The following FBN2 variants were observed in gnomAD, a reference collection of about 807,000 sequenced individuals.
The protein encoded by FBN2 is fibrillin 2.
In FBN2, 105 loss-of-function variants were observed where a neutral mutation model predicts 355.6. That is an observed-to-expected ratio of 0.30 (90% CI 0.25 to 0.35). FBN2 has a LOEUF of 0.35. Ranked by LOEUF, FBN2 falls within the 10% of genes least tolerant of loss-of-function variation. The probability of loss-of-function intolerance (pLI) is 1.00; values close to 1 mark genes in which losing one functional copy is unlikely to be tolerated. For missense variants in FBN2, 3,280 were observed against 3,758.7 expected (o/e 0.87, Z 3.33); for synonymous variants, 1,350 against 1,301.2 (o/e 1.04, Z -0.81).
chr5:128,361,925 T>G, intron 18 of FBN2, 77 bp from the exon 19 acceptor site: 1 of 1,377,970 alleles, frequency 7.3e-7, no homozygotes, highest in Non-Finnish European at 1.0e-6. Flanking sequence ...TTTAATTTTG[T>G]TATTTGTTTT....
At chr5:128,329,304 C>T (rs1358647465) in intron 33 of FBN2, among the ~76,000 whole-genome samples, 1 of 152,102 alleles carries the variant, frequency 6.6e-6, no homozygotes, top group African/African-American at 2.4e-5. Context: ...CATGTCATTA[C>T]AATCTTATAA....
chr5:128,501,536 A>C (rs1581352499), intron 5 of FBN2, among the ~76,000 whole-genome samples: 1 of 152,334 alleles, frequency 6.6e-6, no homozygotes, highest in East Asian at 1.9e-4. Flanking sequence ...CCTAATACAC[A>C]AAGCAGATTA....
intron 5 of FBN2, among the ~76,000 whole-genome samples, chr5:128,513,984 G>C (rs1383553354): frequency 6.6e-6 from 1 of 151,714 alleles, no homozygotes; most frequent in Non-Finnish European, 1.5e-5. Flanking sequence ...AGAGTGCAAG[G>C]TTATAAAATG....
intron 34 of FBN2, among the ~76,000 whole-genome samples, chr5:128,324,926 A>T (rs1479307063): frequency 6.6e-6 from 1 of 152,086 alleles, no homozygotes; most frequent in African/African-American, 2.4e-5. Context: ...GCCATGAGTG[A>T]GTTTCTTAAC....
chr5:128,407,043 A>G (rs1277988337), intron 8 of FBN2, among the ~76,000 whole-genome samples: 1 of 152,140 alleles, frequency 6.6e-6, no homozygotes, highest in Non-Finnish European at 1.5e-5. Context: ...TGAGGCTCCC[A>G]ACAGACATCT....
chr5:128,537,963 A>C lies in FBN2; in HGVS notation c.-360T>G, dbSNP rs905982316. 1.3e-4 allele frequency: 43 copies of C among 334,706 alleles called. No individual in the cohort carries two copies. The highest frequency in any genetic ancestry group is 2.2e-4 in the Non-Finnish European group (41 of 184,002). The allele number at this position is 334,706 out of a possible 1,614,324, so 20.7% of individuals were successfully genotyped here. A position where few individuals can be genotyped will look rare whatever the true frequency, so the allele number is the denominator to read the frequency against. ...AAGCCCTGGCGTAAAATTTCAAAAA[A>C]TGTGAACCTCAAAAGAAAAAAGGGC... On this transcript the variant is annotated 5_prime_UTR_variant, in exon 1 of 65. Transcript: ENST00000262464.
chr5:128,518,901 G>C (rs1177456561), intron 5 of FBN2, among the ~76,000 whole-genome samples: 1 of 152,160 alleles, frequency 6.6e-6, no homozygotes, highest in Non-Finnish European at 1.5e-5. Context: ...ATTTATGTCA[G>C]ATTTTGTGGG....
At chr5:128,331,347 T>C (rs1750687087) in intron 32 of FBN2, among the ~76,000 whole-genome samples, 1 of 152,022 alleles carries the variant, frequency 6.6e-6, no homozygotes, top group Non-Finnish European at 1.5e-5. Flanking sequence ...TGGGGAAGGA[T>C]ATTCCTTGCA....
At chr5:128,334,085 C>T (rs1423408862) in intron 31 of FBN2, among the ~76,000 whole-genome samples, 2 of 151,946 alleles carry the variant, frequency 1.3e-5, no homozygotes, top group Admixed American at 6.6e-5. Flanking sequence ...ATCCTAGCCC[C>T]ACCTGCATGC....
chr5:128,400,989 G>A (rs887786393), intron 8 of FBN2, among the ~76,000 whole-genome samples: 1 of 152,224 alleles, frequency 6.6e-6, no homozygotes, highest in South Asian at 2.1e-4. Flanking sequence ...GGTGGTTTCT[G>A]CTTTTGCTTC....
chr5:128,264,699 G>A (rs1218861177), intron 62 of FBN2, among the ~76,000 whole-genome samples: 1 of 152,144 alleles, frequency 6.6e-6, no homozygotes, highest in Non-Finnish European at 1.5e-5. Context: ...ACTCCATGTG[G>A]AGCAAAGAGT....
intron 7 of FBN2, among the ~76,000 whole-genome samples, chr5:128,412,072 AAT>A (rs1446053040): frequency 6.6e-6 from 1 of 152,130 alleles, no homozygotes; most frequent in Non-Finnish European, 1.5e-5. Flanking sequence ...CTGCACACTG[AAT>A]ATACTGCCAC....
chr5:128,372,404 A>G (rs886457243), intron 15 of FBN2, among the ~76,000 whole-genome samples: 5 of 152,250 alleles, frequency 3.3e-5, no homozygotes, highest in African/African-American at 1.2e-4. Flanking sequence ...ACACATCTTA[A>G]TATCTACAGA....
At chr5:128,264,686 G>A (rs537579227) in intron 62 of FBN2, among the ~76,000 whole-genome samples, 2 of 152,130 alleles carry the variant, frequency 1.3e-5, no homozygotes, top group Non-Finnish European at 2.9e-5. Context: ...TTCAATTCTT[G>A]TGACTCCATG....
rs747455026 is a variant in FBN2, at chr5:128,309,449, T to C, written c.5201-50A>G. On this transcript the variant is annotated intron_variant, in intron 40 of 64. Transcript: ENST00000262464. ...TAGCCATTTGTATCCACGAGTAGTT[T>C]ATAATGAAGCCCACACAGCTGTAGA... 9.2e-6 allele frequency: 14 copies of C among 1,527,358 alleles called. No homozygotes were observed. In the South Asian group the frequency reaches 1.6e-4, roughly 17 times the overall value. 94.6% of individuals were successfully genotyped at this position (1,527,358 alleles called of 1,614,324 possible). A position where few individuals can be genotyped will look rare whatever the true frequency, so the allele number is the denominator to read the frequency against.
At position 128,289,881 on chromosome 5, in the gene FBN2, C is replaced by A. The variant is rs746296572; in HGVS notation, c.6511+1G>T. 3 of 1,551,614 alleles carry A rather than the reference C, an allele frequency of 1.9e-6. No individual in the cohort carries two copies. Among genetic ancestry groups the A allele is most frequent in the South Asian group, 2.2e-5 (2 of 89,614 alleles). On this transcript the variant is annotated splice_donor_variant, in intron 51 of 64. Transcript: ENST00000262464. LOFTEE classifies it high-confidence loss of function. ...TAGGAATAAAATATATCAAAGCGTA[C>A]CTTCACGTGTATCATGAAGACTAGG...
chr5:128,271,906 A>G, intron 62 of FBN2, 93 bp downstream of exon 62: 2 of 1,439,914 alleles, frequency 1.4e-6, no homozygotes, highest in Non-Finnish European at 2.0e-6. Context: ...TTCAAAGGCT[A>G]TACTGAAATC....
At position 128,465,233 on chromosome 5, in the gene FBN2, A is replaced by T. The variant is rs192491720; in HGVS notation, c.629-312T>A. Reference sequence around the variant, plus strand: ...AGTAGCCAACATTGTAAACTTGGGAAATTCCACATGAAATTTGTATTTCTG... The same window carrying T: ...AGTAGCCAACATTGTAAACTTGGGATATTCCACATGAAATTTGTATTTCTG... On this transcript the variant is annotated intron_variant, in intron 5 of 64. Transcript: ENST00000262464. Among the ~76,000 whole-genome samples, 17 of 152,328 alleles carry T rather than the reference A, an allele frequency of 1.1e-4. 1 individual carries two copies. Among genetic ancestry groups the T allele is most frequent in the Admixed American group, 7.2e-4 (11 of 15,294 alleles).
intron 48 of FBN2, among the ~76,000 whole-genome samples, chr5:128,299,694 A>G (rs1749659010): frequency 6.6e-6 from 1 of 152,134 alleles, no homozygotes; most frequent in South Asian, 2.1e-4. Flanking sequence ...TGCACAGTGC[A>G]TGCACCCACT....
Sources: allele counts gnomAD v4.1 joint callset (sites outside exome capture counted in the v4.1 genomes callset), GRCh38; gene constraint gnomAD v4.1.1; transcripts MANE v1.5; gene names NCBI Gene and HGNC (gene_info 2026-07-23, HGNC 2026-07-21).